Variants in ETV4 observed in about 807,000 individuals in gnomAD.
ETV4 encodes the protein ETS translocation variant 4.
A neutral mutation model predicts 65.9 loss-of-function variants in ETV4; 42 were observed. The observed-to-expected ratio is 0.64, with a 90% CI of 0.50 to 0.82. The LOEUF (loss-of-function observed/expected upper bound fraction) is 0.82, where lower values mean the gene tolerates loss of function less well. Ranked by LOEUF, ETV4 falls within the 40% of genes least tolerant of loss-of-function variation. The pLI is 0.00. For missense variants in ETV4, 583 were observed against 630.3 expected (o/e 0.92, Z 0.80); for synonymous variants, 238 against 260.0 (o/e 0.92, Z 0.81).
chr17:43,545,640 C>A lies in ETV4; in HGVS notation c.-23G>T, dbSNP rs1219496266. On this transcript the variant is annotated 5_prime_UTR_variant, in exon 2 of 13. Coordinates refer to ENST00000319349, the MANE Select transcript of ETV4 (RefSeq NM_001079675.5). ...CATCCGGCCGCTCCCTCCGGCCGCA[C>A]GGCCGGGGCCCCAAGCGGGGGCCGA... 2 of 1,549,048 alleles carry A rather than the reference C, an allele frequency of 1.3e-6. No homozygotes were observed. The highest frequency in any genetic ancestry group is 1.2e-5 in the South Asian group (1 of 83,962).
At chr17:43,536,261 A>G in intron 5 of ETV4, 165 bp downstream of exon 5, 1 of 692,138 alleles carries the variant, frequency 1.4e-6, no homozygotes. Flanking sequence ...GTCAAGCCCC[A>G]GATTTCAACC....
In ETV4 at chr17:43,544,920, C is replaced by T. The variant is rs934458727; in HGVS notation, c.202+55G>A. 1.6e-5 allele frequency: 24 copies of T among 1,517,930 alleles called. No homozygotes were observed. In the African/African-American group the frequency reaches 1.7e-4, roughly 10 times the overall value. The allele number at this position is 1,517,930 out of a possible 1,614,324, so 94.0% of individuals were successfully genotyped here. A position where few individuals can be genotyped will look rare whatever the true frequency, so the allele number is the denominator to read the frequency against. ...GCTTAGGGTGGAATACCAGGGGCTACGGAGTGTCCCCCTGTCCAGCCTCCC... is the reference window on the plus strand; with the variant it reads ...GCTTAGGGTGGAATACCAGGGGCTATGGAGTGTCCCCCTGTCCAGCCTCCC... On this transcript the variant is annotated intron_variant, in intron 4 of 12. Coordinates refer to ENST00000319349, the MANE Select transcript of ETV4 (RefSeq NM_001079675.5).
intron 6 of ETV4, 34 bp downstream of exon 6, chr17:43,533,825 T>TCCTACCCTTCA (rs768303834): frequency 6.2e-7 from 1 of 1,605,884 alleles, no homozygotes; most frequent in Admixed American, 1.7e-5. Context: ...GGAACCCTTC[T>TCCTACCCTTCA]CCTACCCTTC....
In ETV4 at chr17:43,529,989, G is replaced by C. The variant is rs372949423; in HGVS notation, c.887-37C>G. On this transcript the variant is annotated intron_variant, in intron 9 of 12. Transcript: ENST00000319349. Reference sequence around the variant, plus strand: ...AATTGGGGGTTGCTCAGATCTGGGGGTTCACCGATGAGACCCCAGAGAGTC... The same window carrying C: ...AATTGGGGGTTGCTCAGATCTGGGGCTTCACCGATGAGACCCCAGAGAGTC... The C allele has an allele frequency of 1.4e-3, 2,213 of 1,612,222 alleles. 2 individuals are homozygous for C. Among genetic ancestry groups the C allele is most frequent in the South Asian group, 1.8e-3 (163 of 91,058 alleles).
intron 4 of ETV4, among the ~76,000 whole-genome samples, chr17:43,540,015 A>C (rs948404355): frequency 2.6e-5 from 4 of 152,258 alleles, no homozygotes; most frequent in Non-Finnish European, 5.9e-5. Flanking sequence ...TGAAGTGACC[A>C]AAGACATCAA....
intron 8 of ETV4, 102 bp from the exon 9 acceptor site, chr17:43,530,283 C>A: frequency 6.6e-7 from 1 of 1,522,198 alleles, no homozygotes; most frequent in Admixed American, 2.0e-5. Flanking sequence ...TTCCTTCCAG[C>A]CTGCTTCCTG....
Position 43,533,824 on chromosome 17 carries a change from C to T in ETV4, c.383+35G>A, listed in dbSNP as rs779342870. 1.9e-6 allele frequency: 3 copies of T among 1,605,194 alleles called. No homozygotes were observed. The East Asian group carries it at 6.8e-5, about 36-fold the overall frequency. Reference sequence around the variant, plus strand: ...CCTGCCTCCCTCCTCTGGAACCCTTCTCCTACCCTTCACCAGGTCCAGGCT... The same window carrying T: ...CCTGCCTCCCTCCTCTGGAACCCTTTTCCTACCCTTCACCAGGTCCAGGCT... On this transcript the variant is annotated intron_variant, in intron 6 of 12. Transcript: ENST00000319349.
chr17:43,529,820 T>G (rs572683993), intron 10 of ETV4, 64 bp downstream of exon 10: 1 of 1,602,766 alleles, frequency 6.2e-7, no homozygotes, highest in East Asian at 2.2e-5. Context: ...AAACGTGATG[T>G]GACTCCTGCA....
intron 4 of ETV4, chr17:43,544,773 G>A (rs1971714323): frequency 1.8e-6 from 1 of 547,594 alleles, no homozygotes; most frequent in Admixed American, 3.0e-5. Flanking sequence ...GCTCAGGGTA[G>A]AGAAAATAAA....
intron 4 of ETV4, among the ~76,000 whole-genome samples, chr17:43,539,732 C>T (rs1267808946): frequency 1.3e-5 from 2 of 152,210 alleles, no homozygotes; most frequent in Non-Finnish European, 2.9e-5. Context: ...GCAGGCTCCC[C>T]CTCTCCACAC....
At chr17:43,536,536 G>T in intron 4 of ETV4, 57 bp from the exon 5 acceptor site, 2 of 1,522,822 alleles carry the variant, frequency 1.3e-6, no homozygotes, top group Non-Finnish European at 1.8e-6. Context: ...CCCCTGGGAG[G>T]CTCCATTATT....
intron 5 of ETV4, among the ~76,000 whole-genome samples, chr17:43,536,071 A>G (rs191997941): frequency 9.2e-5 from 14 of 152,312 alleles, no homozygotes; most frequent in African/African-American, 3.1e-4. Context: ...AGATTGTGCC[A>G]CTGCACTCCA....
chr17:43,532,652 C>T (rs1234428725), intron 8 of ETV4, 22 bp downstream of exon 8: 4 of 1,600,606 alleles, frequency 2.5e-6, no homozygotes, highest in Non-Finnish European at 3.4e-6. Flanking sequence ...ACATGCCACC[C>T]TGCCCCACCC....
At chr17:43,545,525 C>CG in intron 2 of ETV4, 33 bp downstream of exon 2, 1 of 595,912 alleles carries the variant, frequency 1.7e-6, no homozygotes, top group Non-Finnish European at 2.3e-6. Flanking sequence ...GGGTGCGGGG[C>CG]GGGGCGGGCG....
chr17:43,534,250 C>T (rs997466940), intron 5 of ETV4, among the ~76,000 whole-genome samples: 3 of 152,170 alleles, frequency 2.0e-5, no homozygotes, highest in African/African-American at 7.2e-5. Flanking sequence ...CACGGTAGCT[C>T]ACACCTGTAA....
intron 4 of ETV4, 126 bp downstream of exon 4, chr17:43,544,849 C>A: frequency 1.2e-6 from 1 of 838,052 alleles, no homozygotes; most frequent in Non-Finnish European, 2.0e-6. Context: ...GGGGAGAGGG[C>A]CTTGGAGAAC....
rs34924870 is a variant in ETV4 at position 43,538,140 on chromosome 17, C to CA, written c.203-1662dup. 5.0e-3 allele frequency among the ~76,000 whole-genome samples: 550 copies of CA among 110,718 alleles called. 2 individuals are homozygous for CA. Among genetic ancestry groups the CA allele is most frequent in the Middle Eastern group, 0.015 (3 of 204 alleles). 72.6% of individuals were successfully genotyped at this position (110,718 alleles called of 152,430 possible). A position where few individuals can be genotyped will look rare whatever the true frequency, so the allele number is the denominator to read the frequency against. ...TGGGTGACAGAGCAAGACTCCATTT[C>CA]AAAAAAAAAAAAAAAAAAATTAGCT... On this transcript the variant is annotated intron_variant, in intron 4 of 12. Transcript: ENST00000319349.
In ETV4 at chr17:43,538,468, G is replaced by A. The variant is rs369353230; in HGVS notation, c.203-1989C>T. Among the ~76,000 whole-genome samples the A allele has an allele frequency of 3.9e-5, 6 of 152,264 alleles. No individual in the cohort carries two copies. The East Asian group carries it at 1.2e-3, about 29-fold the overall frequency. On this transcript the variant is annotated intron_variant, in intron 4 of 12. Coordinates refer to ENST00000319349, the MANE Select transcript of ETV4 (RefSeq NM_001079675.5). ...GAGGGATTCCCAAGGTTGGTGATCCGAAGAGCTCTCCCAGGATGCCAGGAT... is the reference window on the plus strand; with the variant it reads ...GAGGGATTCCCAAGGTTGGTGATCCAAAGAGCTCTCCCAGGATGCCAGGAT...
intron 12 of ETV4, 71 bp downstream of exon 12, chr17:43,529,064 G>A (rs1970740881): frequency 4.2e-6 from 6 of 1,422,978 alleles, no homozygotes; most frequent in Non-Finnish European, 6.0e-6. Flanking sequence ...CTGCCCTGCT[G>A]ACCCTCTCCC....
Sources: allele counts gnomAD v4.1 joint callset (sites outside exome capture counted in the v4.1 genomes callset), GRCh38; gene constraint gnomAD v4.1.1; transcripts MANE v1.5; gene names NCBI Gene and HGNC (gene_info 2026-07-23, HGNC 2026-07-21).